Variants in VIRMA observed in about 807,000 individuals in gnomAD.
VIRMA encodes the protein protein virilizer homolog.
A neutral mutation model predicts 182.4 loss-of-function variants in VIRMA; 65 were observed. That is an observed-to-expected ratio of 0.36 (90% CI 0.29 to 0.44). VIRMA has a LOEUF of 0.44. Ranked by LOEUF, VIRMA falls within the 20% of genes least tolerant of loss-of-function variation. VIRMA has a pLI of 1.00. For missense variants in VIRMA, 1,752 were observed against 2,158.1 expected (o/e 0.81, Z 3.73); for synonymous variants, 709 against 743.1 (o/e 0.95, Z 0.75).
chr8:94,516,079 G>C (rs193079843), intron 10 of VIRMA, among the ~76,000 whole-genome samples: 2 of 152,230 alleles, frequency 1.3e-5, no homozygotes, highest in East Asian at 3.9e-4. Flanking sequence ...CTACACTCCA[G>C]CCTGGAGACG....
chr8:94,491,386 G>C (rs1008459888), intron 22 of VIRMA, among the ~76,000 whole-genome samples, 192 bp downstream of exon 22: 1 of 151,830 alleles, frequency 6.6e-6, no homozygotes, highest in Non-Finnish European at 1.5e-5. Context: ...ATGCATGAAA[G>C]GTTCATTGAA....
chr8:94,496,425 C>G lies in VIRMA; in HGVS notation c.4286G>C (p.Arg1429Pro). 1 of 1,613,310 alleles carries G rather than the reference C, an allele frequency of 6.2e-7. No individual in the cohort carries two copies. The highest frequency in any genetic ancestry group is 8.5e-7 in the Non-Finnish European group (1 of 1,179,382). The change falls in exon 18 of 24, where the codon CGG becomes CCG. Residue 1429 changes from arginine (R) to proline (P), a missense_variant. Physicochemically the swap from Arg to Pro is moderately radical, Grantham distance 103. Transcript: ENST00000297591. ...CTCTGCAGCATTAATACTCATCGTCCGTGATGTATGAGCTCCCTCTACTTC... is the reference window on the plus strand; with the variant it reads ...CTCTGCAGCATTAATACTCATCGTCGGTGATGTATGAGCTCCCTCTACTTC... Reference protein sequence around the residue: ...LMEVEGAHTSRTMSINAAELK... With the variant: ...LMEVEGAHTSPTMSINAAELK...
At chr8:94,518,024 C>T (rs1422068335) in intron 9 of VIRMA, 82 bp from the exon 10 acceptor site, 2 of 994,340 alleles carry the variant, frequency 2.0e-6, no homozygotes, top group Non-Finnish European at 3.0e-6. Context: ...TTCTACTTGG[C>T]TTTAAAGAGA....
intron 21 of VIRMA, 103 bp from the exon 22 acceptor site, chr8:94,492,012 A>C: frequency 7.2e-6 from 6 of 833,554 alleles, no homozygotes; most frequent in Admixed American, 3.1e-5. Flanking sequence ...TTGTACTCCA[A>C]TTCTGCTAAC....
intron 16 of VIRMA, 28 bp from the exon 17 acceptor site, chr8:94,499,534 T>C: frequency 7.3e-7 from 1 of 1,374,524 alleles, no homozygotes; most frequent in Admixed American, 2.0e-5. Flanking sequence ...AAAGAGAAGA[T>C]ATTATCTTAA....
intron 21 of VIRMA, 71 bp from the exon 22 acceptor site, chr8:94,491,980 C>T: frequency 8.3e-7 from 1 of 1,209,844 alleles, no homozygotes; most frequent in Non-Finnish European, 1.1e-6. Flanking sequence ...TTTATAATAC[C>T]CAAAATTATA....
chr8:94,510,133 A>G (rs375235035), intron 14 of VIRMA, among the ~76,000 whole-genome samples, 193 bp from the exon 15 acceptor site: 5 of 152,192 alleles, frequency 3.3e-5, no homozygotes, highest in South Asian at 2.1e-4. Context: ...TTCTAATAAT[A>G]TATTTTCTTA....
chr8:94,510,808 C>CA, intron 13 of VIRMA, 156 bp from the exon 14 acceptor site: 1 of 765,262 alleles, frequency 1.3e-6, no homozygotes, highest in Non-Finnish European at 2.0e-6. Flanking sequence ...TGCTTGAATT[C>CA]AATGAGTCTA....
At chr8:94,505,188 T>C (rs1814113085) in intron 16 of VIRMA, among the ~76,000 whole-genome samples, 2 of 152,140 alleles carry the variant, frequency 1.3e-5, no homozygotes, top group African/African-American at 2.4e-5. Flanking sequence ...ATACAGAAGA[T>C]GCAGGTACAT....
intron 9 of VIRMA, among the ~76,000 whole-genome samples, 162 bp downstream of exon 9, chr8:94,518,823 T>C (rs901245523): frequency 3.9e-5 from 6 of 152,234 alleles, no homozygotes; most frequent in Non-Finnish European, 5.9e-5. Flanking sequence ...ATCTTATATT[T>C]TAGAGATTTC....
At position 94,509,799 on chromosome 8, in the gene VIRMA, A is replaced by T; in HGVS notation, c.3768T>A (p.Tyr1256Ter). Residue 1256 changes from tyrosine (Y) to a stop codon, truncating the protein, a stop_gained, in exon 15 of 24, where the codon TAT becomes TAA. Coordinates refer to ENST00000297591, the MANE Select transcript of VIRMA (RefSeq NM_015496.5). LOFTEE classifies it high-confidence loss of function. Reference sequence around the variant, plus strand: ...CTAAAAGATCCTGGAATATCTCTGCATATCTTTCATCACCTTTAATAGTTC... The same window carrying T: ...CTAAAAGATCCTGGAATATCTCTGCTTATCTTTCATCACCTTTAATAGTTC... ...INGTIKGDER[Y>*]AEIFQDLLAL... 1 of 1,614,108 alleles carries T rather than the reference A, an allele frequency of 6.2e-7. No individual in the cohort carries two copies. Among genetic ancestry groups the T allele is most frequent in the Non-Finnish European group, 8.5e-7 (1 of 1,179,970 alleles).
intron 6 of VIRMA, among the ~76,000 whole-genome samples, chr8:94,529,800 C>T (rs535462031): frequency 1.3e-5 from 2 of 151,918 alleles, no homozygotes; most frequent in South Asian, 2.1e-4. Flanking sequence ...ACACCACACC[C>T]GGCTAATTTT....
intron 19 of VIRMA, 148 bp from the exon 20 acceptor site, chr8:94,495,104 G>C: frequency 1.5e-6 from 1 of 653,896 alleles, no homozygotes. Context: ...GGGCTCAAGT[G>C]ATCCTCCCAC....
At chr8:94,502,952 ATAAG>A (rs1449904486) in intron 16 of VIRMA, among the ~76,000 whole-genome samples, 1 of 152,206 alleles carries the variant, frequency 6.6e-6, no homozygotes, top group Non-Finnish European at 1.5e-5. Context: ...GAACAACAAA[ATAAG>A]TAAGGATAGT....
intron 16 of VIRMA, among the ~76,000 whole-genome samples, chr8:94,501,070 C>T (rs569422761): frequency 2.4e-4 from 37 of 151,610 alleles, no homozygotes; most frequent in Non-Finnish European, 4.6e-4. Context: ...ATAGTGAAAC[C>T]CTGTCTCCAC....
At chr8:94,518,400 A>T (rs949717717) in intron 9 of VIRMA, among the ~76,000 whole-genome samples, 1 of 152,196 alleles carries the variant, frequency 6.6e-6, no homozygotes, top group Admixed American at 6.5e-5. Flanking sequence ...TTTCATAAGC[A>T]CCCCACAAAA....
chr8:94,535,743 G>A (rs1291647811), intron 4 of VIRMA, among the ~76,000 whole-genome samples: 1 of 150,600 alleles, frequency 6.6e-6, no homozygotes, highest in Non-Finnish European at 1.5e-5. Context: ...TTGCGCCACT[G>A]CACACTCTAG....
chr8:94,546,642 G>A (rs1815776863), intron 1 of VIRMA, among the ~76,000 whole-genome samples: 1 of 150,904 alleles, frequency 6.6e-6, no homozygotes, highest in African/African-American at 2.5e-5. Flanking sequence ...TGATTTCTGA[G>A]ATTTTAGTGT....
chr8:94,550,520 C>T (rs2130405079), intron 1 of VIRMA, among the ~76,000 whole-genome samples: 1 of 152,278 alleles, frequency 6.6e-6, no homozygotes, highest in South Asian at 2.1e-4. Context: ...TCTCGATCTC[C>T]TGACCTCGTG....
Sources: allele counts gnomAD v4.1 joint callset (sites outside exome capture counted in the v4.1 genomes callset), GRCh38; gene constraint gnomAD v4.1.1; transcripts MANE v1.5; gene names NCBI Gene and HGNC (gene_info 2026-07-23, HGNC 2026-07-21).